The following TRIM2 variants were observed in gnomAD, a reference collection of about 807,000 sequenced individuals.
TRIM2 encodes the protein tripartite motif-containing protein 2.
A neutral mutation model predicts 75.2 loss-of-function variants in TRIM2; 20 were observed. The observed-to-expected ratio is 0.27, with a 90% CI of 0.19 to 0.39. The LOEUF is 0.39. Ranked by LOEUF, TRIM2 falls within the 10% of genes least tolerant of loss-of-function variation. The probability of loss-of-function intolerance (pLI) is 1.00; values close to 1 mark genes in which losing one functional copy is unlikely to be tolerated. For synonymous variants in TRIM2, 373 were observed against 388.3 expected, an observed-to-expected ratio of 0.96 and a Z score of 0.46; for missense variants, 660 against 990.8, an observed-to-expected ratio of 0.67 and a Z score of 4.48.
chr4:153,339,107 T>C lies in TRIM2; in HGVS notation c.*4141T>C, dbSNP rs1772807952. ...ATTTGTTCTTTTATGAATCAAAATG[T>C]TGACTGCCTATTTAAAGAAAAGAAT... On this transcript the variant is annotated 3_prime_UTR_variant, in exon 12 of 12. Coordinates refer to ENST00000338700, the MANE Select transcript of TRIM2 (RefSeq NM_015271.5). 1 of 985,778 alleles carries C rather than the reference T, an allele frequency of 1.0e-6. No homozygotes were observed. Among genetic ancestry groups the C allele is most frequent in the South Asian group, 4.7e-5 (1 of 21,290 alleles). The allele number at this position is 985,778 out of a possible 1,614,324, so 61.1% of individuals were successfully genotyped here.
intron 1 of TRIM2, among the ~76,000 whole-genome samples, chr4:153,261,837 T>C (rs547080915): frequency 6.6e-6 from 1 of 152,354 alleles, no homozygotes; most frequent in South Asian, 2.1e-4. Context: ...ATTGTGGACA[T>C]AGGCATTTTT....
At chr4:153,210,214 G>T (rs887525519) in intron 1 of TRIM2, among the ~76,000 whole-genome samples, 6 of 151,934 alleles carry the variant, frequency 3.9e-5, no homozygotes, top group Non-Finnish European at 7.4e-5. Context: ...ACAGACACCT[G>T]CTACCACGCA....
At chr4:153,225,875 G>A (rs577101020) in intron 1 of TRIM2, among the ~76,000 whole-genome samples, 1 of 152,208 alleles carries the variant, frequency 6.6e-6, no homozygotes, top group Admixed American at 6.5e-5. Context: ...GGTTGTTTGT[G>A]GTTTTACTTT....
chr4:153,206,362 C>A (rs1735432587), intron 1 of TRIM2, among the ~76,000 whole-genome samples: 1 of 152,206 alleles, frequency 6.6e-6, no homozygotes, highest in Admixed American at 6.5e-5. Context: ...CAGAGATTGA[C>A]TTCTTGGGGT....
intron 1 of TRIM2, among the ~76,000 whole-genome samples, chr4:153,253,018 A>G (rs1183325419): frequency 1.3e-5 from 2 of 152,236 alleles, no homozygotes; most frequent in Non-Finnish European, 2.9e-5. Flanking sequence ...ATTAAAGGTA[A>G]AAGATGGAAC....
rs1479738520 is a variant in TRIM2, at chr4:153,335,150, T to G, written c.*184T>G. The G allele has an allele frequency of 7.8e-7, 1 of 1,279,438 alleles. No individual in the cohort carries two copies. The highest frequency in any genetic ancestry group is 1.5e-5 in the African/African-American group (1 of 66,500). The allele number at this position is 1,279,438 out of a possible 1,614,324, so 79.3% of individuals were successfully genotyped here. On this transcript the variant is annotated 3_prime_UTR_variant, in exon 12 of 12. Coordinates refer to ENST00000338700, the MANE Select transcript of TRIM2 (RefSeq NM_015271.5). ...ACTTATCCAATTTCTGTATTTCACC[T>G]TTAGGGTTAAAAAAAACTCTTCTAC...
intron 8 of TRIM2, among the ~76,000 whole-genome samples, chr4:153,320,820 A>G (rs1768783259): frequency 7.5e-6 from 1 of 133,592 alleles, no homozygotes; most frequent in South Asian, 2.5e-4. Flanking sequence ...TTTAGTAGAG[A>G]TGGGGTTTCA....
At chr4:153,270,067 AACAGGCG>A (rs1756268627) in intron 1 of TRIM2, among the ~76,000 whole-genome samples, 4 of 151,994 alleles carry the variant, frequency 2.6e-5, no homozygotes, top group Non-Finnish European at 5.9e-5. Flanking sequence ...TAGCTGAGGC[AACAGGCG>A]TGTGCCACCA....
intron 1 of TRIM2, among the ~76,000 whole-genome samples, chr4:153,185,301 A>G (rs556656236): frequency 6.6e-6 from 1 of 152,340 alleles, no homozygotes; most frequent in African/African-American, 2.4e-5. Context: ...AGCTTCTTAC[A>G]TGACAGGCTC....
In TRIM2 at chr4:153,312,758, G is replaced by A. The variant is rs377442461; in HGVS notation, c.1511-2727G>A. ...TGCTGCTATAAAGACACATGCACAC[G>A]TATGTTTATTGCGGCACTATTCACA... On this transcript the variant is annotated intron_variant, in intron 6 of 11. Transcript: ENST00000338700. Among the ~76,000 whole-genome samples, 98 of 152,220 alleles carry A rather than the reference G, an allele frequency of 6.4e-4. 1 individual carries two copies. The highest frequency in any genetic ancestry group is 4.8e-3 in the South Asian group (23 of 4,820).
rs1391693471 is a variant in TRIM2, at chr4:153,273,965, A to AG, written c.216-1925dup. ...AGTGAGTGAGAGGTGCTACAGTGAG[A>AG]GGGTTATTCAACACTGAGGAAGAAC... On this transcript the variant is annotated intron_variant, in intron 2 of 11. Coordinates refer to ENST00000338700, the MANE Select transcript of TRIM2 (RefSeq NM_015271.5). Among the ~76,000 whole-genome samples the AG allele has an allele frequency of 2.0e-5, 3 of 152,188 alleles. No homozygotes were observed. In the East Asian group the frequency reaches 5.8e-4, roughly 29 times the overall value.
At chr4:153,269,806 T>A (rs888997325) in intron 1 of TRIM2, among the ~76,000 whole-genome samples, 1 of 152,212 alleles carries the variant, frequency 6.6e-6, no homozygotes, top group African/African-American at 2.4e-5. Context: ...ATGTGAGGAT[T>A]TTATTGATTT....
At chr4:153,232,559 T>C (rs1743932102) in intron 1 of TRIM2, among the ~76,000 whole-genome samples, 1 of 151,170 alleles carries the variant, frequency 6.6e-6, no homozygotes, top group Non-Finnish European at 1.5e-5. Flanking sequence ...ACCAGCACAG[T>C]GAGAGGCAAA....
intron 3 of TRIM2, 33 bp downstream of exon 3, chr4:153,276,163 A>G (rs747126293): frequency 1.3e-6 from 2 of 1,576,430 alleles, no homozygotes; most frequent in South Asian, 2.2e-5. Flanking sequence ...ACTGCCCGGG[A>G]GCATGACTAC....
chr4:153,156,806 G>A (rs4078125), intron 1 of TRIM2: 5,758 of 152,286 alleles, frequency 0.038, 264 homozygotes, highest in Admixed American at 0.14. Context: ...AGACTATCTT[G>A]ACCAGAGGTA....
chr4:153,264,313 T>C (rs1754355161), intron 1 of TRIM2, among the ~76,000 whole-genome samples: 1 of 152,216 alleles, frequency 6.6e-6, no homozygotes, highest in African/African-American at 2.4e-5. Context: ...CCATTTCCTT[T>C]CTACTGGCTT....
chr4:153,242,765 A>T (rs994310822), intron 1 of TRIM2, among the ~76,000 whole-genome samples: 4 of 152,216 alleles, frequency 2.6e-5, no homozygotes, highest in Non-Finnish European at 4.4e-5. Context: ...GCAGATGGAG[A>T]GCAGCAGGCA....
At chr4:153,276,170 C>A in intron 3 of TRIM2, 40 bp downstream of exon 3, 1 of 1,548,580 alleles carries the variant, frequency 6.5e-7, no homozygotes. Context: ...GGGAGCATGA[C>A]TACTGTGGCC....
chr4:153,261,214 G>A (rs764555018), intron 1 of TRIM2, among the ~76,000 whole-genome samples: 28 of 152,168 alleles, frequency 1.8e-4, no homozygotes, highest in Non-Finnish European at 3.8e-4. Flanking sequence ...TTGAGCCCAG[G>A]AGTTCGAGAC....
Sources: gnomAD v4.1 joint callset for allele counts (sites outside exome capture counted in the v4.1 genomes callset) on GRCh38, gnomAD v4.1.1 for gene constraint, MANE v1.5 for transcripts, NCBI Gene and HGNC (gene_info 2026-07-23, HGNC 2026-07-21) for gene names.